Variants in KIF13B observed in about 807,000 individuals in gnomAD.
KIF13B encodes the protein kinesin family member 13B.
KIF13B carries 127 observed loss-of-function variants against 222.0 expected under a neutral mutation model. The observed-to-expected ratio is 0.57, with a 90% CI of 0.50 to 0.66. The LOEUF (loss-of-function observed/expected upper bound fraction) is 0.66. KIF13B is among the 30% of genes least tolerant of loss of function. The probability of loss-of-function intolerance (pLI) is 0.00; values close to 1 mark genes in which losing one functional copy is unlikely to be tolerated. For missense variants in KIF13B, 2,173 were observed against 2,379.0 expected, an observed-to-expected ratio of 0.91 and a Z score of 1.80; for synonymous variants, 976 against 919.0, an observed-to-expected ratio of 1.06 and a Z score of -1.12.
chr8:29,194,624 A>G (rs1813338624), intron 3 of KIF13B, among the ~76,000 whole-genome samples: 1 of 152,208 alleles, frequency 6.6e-6, no homozygotes, highest in African/African-American at 2.4e-5. Flanking sequence ...CTACAGCTCT[A>G]AATGGTCCTC....
At chr8:29,114,830 C>T (rs964890115) in intron 31 of KIF13B, among the ~76,000 whole-genome samples, 1 of 152,138 alleles carries the variant, frequency 6.6e-6, no homozygotes, top group Admixed American at 6.5e-5. Context: ...CCCTGTAGGG[C>T]CGGTGGTTGT....
chr8:29,148,267 A>G (rs1811145742), intron 16 of KIF13B, among the ~76,000 whole-genome samples: 1 of 152,266 alleles, frequency 6.6e-6, no homozygotes, highest in Non-Finnish European at 1.5e-5. Flanking sequence ...ATCTGACTGC[A>G]TATTAAGGCA....
At position 29,222,557 on chromosome 8, in the gene KIF13B, T is replaced by G. The variant is rs13265246; in HGVS notation, c.149+22789A>C. ...TTTTTTTTTTTTTTTTTTTTTTTTG[T>G]AGAGACAGGGTGTCACTATATTGCT... is the stretch of plus-strand genomic sequence containing the variant. On this transcript the variant is annotated intron_variant, in intron 2 of 39. Transcript: ENST00000524189. Among the ~76,000 whole-genome samples, 16 of 104,678 alleles carry G rather than the reference T, an allele frequency of 1.5e-4. No homozygotes were observed. The East Asian group carries it at 2.2e-3, about 15-fold the overall frequency. 68.7% of individuals were successfully genotyped at this position (104,678 alleles called of 152,430 possible).
intron 38 of KIF13B, among the ~76,000 whole-genome samples, chr8:29,074,034 T>A (rs1005099955): frequency 6.7e-6 from 1 of 149,426 alleles, no homozygotes; most frequent in East Asian, 1.9e-4. Context: ...CAGGGGAGAA[T>A]ACGCAAAACT....
intron 2 of KIF13B, among the ~76,000 whole-genome samples, chr8:29,243,394 C>A (rs753480656): frequency 6.6e-6 from 1 of 151,116 alleles, no homozygotes; most frequent in Non-Finnish European, 1.5e-5. Flanking sequence ...TGGTGGCTCA[C>A]ACCCGTAATC....
Position 29,072,073 on chromosome 8 carries a change from C to A in KIF13B, c.4765G>T (p.Ala1589Ser). The change falls in exon 39 of 40, where the codon GCG becomes TCG. Residue 1589 changes from alanine (A) to serine (S), a missense_variant. This residue lies in a region of KIF13B where 693 missense variants were observed against 656.2 expected (regional missense o/e 1.06). Coordinates refer to ENST00000524189, the MANE Select transcript of KIF13B (RefSeq NM_015254.4). ...GTGGGCATGGACCCCGGCGGGGCCG[C>A]AGCGTCCAGGCCGGGGCCCAGGGCG... is the stretch of plus-strand genomic sequence containing the variant. ...SDALGPGLDAAAPPGSMPTAP... is the reference protein window; with the variant it reads ...SDALGPGLDASAPPGSMPTAP... The A allele has an allele frequency of 7.6e-7, 1 of 1,318,010 alleles. No individual in the cohort carries two copies. The highest frequency in any genetic ancestry group is 9.7e-7 in the Non-Finnish European group (1 of 1,032,200). The allele number at this position is 1,318,010 out of a possible 1,614,324, so 81.6% of individuals were successfully genotyped here. A position where few individuals can be genotyped will look rare whatever the true frequency, so the allele number is the denominator to read the frequency against.
chr8:29,193,246 C>T (rs972843089), intron 3 of KIF13B, among the ~76,000 whole-genome samples: 2 of 152,192 alleles, frequency 1.3e-5, no homozygotes, highest in South Asian at 2.1e-4. Flanking sequence ...TTACACACTG[C>T]TCACCCTCCA....
At chr8:29,117,331 G>A (rs1809650864) in intron 30 of KIF13B, among the ~76,000 whole-genome samples, 1 of 152,110 alleles carries the variant, frequency 6.6e-6, no homozygotes, top group Non-Finnish European at 1.5e-5. Flanking sequence ...CTACCATTTG[G>A]CCACTTTTGC....
intron 21 of KIF13B, chr8:29,138,403 T>G (rs950505459): frequency 1.4e-5 from 2 of 145,458 alleles, no homozygotes; most frequent in Non-Finnish European, 1.5e-5. Context: ...TCCTTTTCTA[T>G]ACAAATTATC....
chr8:29,184,069 TATAGA>T (rs1812828389), intron 6 of KIF13B, among the ~76,000 whole-genome samples: 1 of 152,162 alleles, frequency 6.6e-6, no homozygotes, highest in African/African-American at 2.4e-5. Flanking sequence ...ATAAAGTAGA[TATAGA>T]ATATTTGATT....
chr8:29,252,147 A>T (rs992284031), intron 1 of KIF13B, among the ~76,000 whole-genome samples: 3 of 152,264 alleles, frequency 2.0e-5, no homozygotes, highest in Non-Finnish European at 2.9e-5. Context: ...CCCAAACAAG[A>T]TTCCTTTCCA....
chr8:29,102,196 GCT>G (rs892435952), intron 35 of KIF13B, among the ~76,000 whole-genome samples: 1 of 152,128 alleles, frequency 6.6e-6, no homozygotes, highest in Non-Finnish European at 1.5e-5. Context: ...GAAACCTCTG[GCT>G]CTCTCAATAG....
At chr8:29,234,525 T>C (rs1192945594) in intron 2 of KIF13B, among the ~76,000 whole-genome samples, 1 of 148,398 alleles carries the variant, frequency 6.7e-6, no homozygotes, top group African/African-American at 2.5e-5. Flanking sequence ...AATGGGGATC[T>C]CGTATGTAAT....
At chr8:29,131,167 C>T (rs1037412660) in intron 23 of KIF13B, among the ~76,000 whole-genome samples, 3 of 152,026 alleles carry the variant, frequency 2.0e-5, no homozygotes, top group Non-Finnish European at 2.9e-5. Flanking sequence ...TGGAGACTCC[C>T]AGGAGTTGGG....
chr8:29,160,119 T>C (rs906267615), intron 13 of KIF13B, among the ~76,000 whole-genome samples: 3 of 152,258 alleles, frequency 2.0e-5, no homozygotes, highest in East Asian at 3.8e-4. Flanking sequence ...TTCAGACTTA[T>C]TCTGAAGTTG....
At chr8:29,129,290 T>A (rs1586817657) in intron 24 of KIF13B, among the ~76,000 whole-genome samples, 2 of 152,244 alleles carry the variant, frequency 1.3e-5, no homozygotes, top group East Asian at 3.8e-4. Flanking sequence ...GATGAATTTC[T>A]AAGACTTCGA....
chr8:29,194,061 T>C (rs924088342), intron 3 of KIF13B, among the ~76,000 whole-genome samples: 1 of 151,668 alleles, frequency 6.6e-6, no homozygotes, highest in Non-Finnish European at 1.5e-5. Context: ...CCTGGCCTCA[T>C]GATCCGCTGG....
chr8:29,077,162 T>C (rs1356810298), intron 37 of KIF13B, among the ~76,000 whole-genome samples: 1 of 152,174 alleles, frequency 6.6e-6, no homozygotes, highest in Non-Finnish European at 1.5e-5. Context: ...TGGTGGCAGT[T>C]AGGCCATTGC....
At chr8:29,149,999 A>G (rs151191521) in intron 15 of KIF13B, among the ~76,000 whole-genome samples, 432 of 152,368 alleles carry the variant, frequency 2.8e-3, no homozygotes, top group African/African-American at 9.9e-3. Context: ...TCAGAAAAAC[A>G]TTAATAAATT....
Sources: gnomAD v4.1 joint callset for allele counts (sites outside exome capture counted in the v4.1 genomes callset) on GRCh38, gnomAD v4.1.1 for gene constraint, gnomAD v4.1.1 regional missense constraint, MANE v1.5 for transcripts, NCBI Gene and HGNC (gene_info 2026-07-23, HGNC 2026-07-21) for gene names.